Variants in ARHGEF3 observed in about 807,000 individuals in gnomAD.
The protein encoded by ARHGEF3 is 59.8 kDA protein.
In ARHGEF3, 28 loss-of-function variants were observed where a neutral mutation model predicts 63.2. The ratio of observed to expected loss-of-function variants is 0.44; its 90% CI spans 0.33 to 0.61. The LOEUF (loss-of-function observed/expected upper bound fraction) is 0.61. Ranked by LOEUF, ARHGEF3 falls within the 20% of genes least tolerant of loss-of-function variation. ARHGEF3 has a pLI of 0.03. For synonymous variants in ARHGEF3, 266 were observed against 254.2 expected, an observed-to-expected ratio of 1.05 and a Z score of -0.44; for missense variants, 533 against 659.3, an observed-to-expected ratio of 0.81 and a Z score of 2.10.
chr3:57,048,741 T>C (rs901188724), intron 1 of ARHGEF3, among the ~76,000 whole-genome samples: 1 of 152,132 alleles, frequency 6.6e-6, no homozygotes, highest in African/African-American at 2.4e-5. Context: ...CTTGACCTTG[T>C]GTAATTACTG....
intron 3 of ARHGEF3, among the ~76,000 whole-genome samples, chr3:56,888,261 C>G (rs1233453982): frequency 6.6e-6 from 1 of 152,212 alleles, no homozygotes; most frequent in Admixed American, 6.5e-5. Flanking sequence ...AAGGGTGAGG[C>G]ACATCCCTGA....
At chr3:56,988,863 T>C (rs1701639442) in intron 2 of ARHGEF3, among the ~76,000 whole-genome samples, 1 of 152,110 alleles carries the variant, frequency 6.6e-6, no homozygotes, top group South Asian at 2.1e-4. Flanking sequence ...GGAGAATGCA[T>C]CTCCCTCATG....
chr3:56,970,787 C>T (rs1310586552), intron 2 of ARHGEF3, among the ~76,000 whole-genome samples: 1 of 152,254 alleles, frequency 6.6e-6, no homozygotes, highest in Non-Finnish European at 1.5e-5. Context: ...TGAGTGCTGC[C>T]ATACAGGGGC....
chr3:56,934,827 C>T (rs967616322), intron 3 of ARHGEF3, among the ~76,000 whole-genome samples: 23 of 152,250 alleles, frequency 1.5e-4, no homozygotes, highest in Non-Finnish European at 1.0e-4. Context: ...GTCCCATCGA[C>T]CACCCAAGGG....
chr3:57,065,141 C>T (rs976093556), intron 1 of ARHGEF3, among the ~76,000 whole-genome samples: 4 of 152,122 alleles, frequency 2.6e-5, no homozygotes, highest in Non-Finnish European at 5.9e-5. Context: ...TCCAGTAGGC[C>T]ATGGTCTTAA....
intron 4 of ARHGEF3, among the ~76,000 whole-genome samples, chr3:56,872,680 T>C (rs960649776): frequency 2.0e-5 from 3 of 152,180 alleles, no homozygotes; most frequent in Non-Finnish European, 4.4e-5. Context: ...CAGCTAATTT[T>C]TGTATTTTTA....
chr3:56,894,666 T>C (rs1463762420), intron 3 of ARHGEF3, among the ~76,000 whole-genome samples: 3 of 152,172 alleles, frequency 2.0e-5, no homozygotes, highest in African/African-American at 7.2e-5. Context: ...AAAAATTCTA[T>C]GGATTTGCCA....
chr3:57,045,221 C>T (rs919258485), intron 1 of ARHGEF3, among the ~76,000 whole-genome samples: 12 of 152,140 alleles, frequency 7.9e-5, no homozygotes, highest in East Asian at 5.8e-4. Flanking sequence ...GGGCTGAGAT[C>T]GCACCATTGC....
chr3:56,774,770 G>A (rs1327974688), intron 1 of ARHGEF3, among the ~76,000 whole-genome samples: 1 of 152,028 alleles, frequency 6.6e-6, no homozygotes, highest in Non-Finnish European at 1.5e-5. Context: ...GTGGTGGCAG[G>A]TGCCTGTAAT....
intron 1 of ARHGEF3, among the ~76,000 whole-genome samples, chr3:57,070,189 T>C (rs1323992555): frequency 6.6e-6 from 1 of 152,138 alleles, no homozygotes; most frequent in Non-Finnish European, 1.5e-5. Flanking sequence ...ACCACACTTC[T>C]CCAGGCATGA....
At chr3:56,914,140 G>C (rs1214166578) in intron 3 of ARHGEF3, among the ~76,000 whole-genome samples, 1 of 152,152 alleles carries the variant, frequency 6.6e-6, no homozygotes, top group Non-Finnish European at 1.5e-5. Context: ...GGGTGAGAGA[G>C]GAGTGAGGGA....
chr3:56,802,821 A>G (rs2037723280), upstream of ARHGEF3, among the ~76,000 whole-genome samples: 1 of 152,214 alleles, frequency 6.6e-6, no homozygotes, highest in South Asian at 2.1e-4. Flanking sequence ...CTGGGGCAGT[A>G]AAAAATAAAA....
intron 1 of ARHGEF3, among the ~76,000 whole-genome samples, chr3:56,791,367 T>G (rs2037069012): frequency 6.6e-6 from 1 of 152,066 alleles, no homozygotes; most frequent in Non-Finnish European, 1.5e-5. Flanking sequence ...CGCTTGAACC[T>G]GAGAGGTTAA....
intron 4 of ARHGEF3, among the ~76,000 whole-genome samples, chr3:56,821,715 G>A (rs1057497061): frequency 1.3e-5 from 2 of 152,182 alleles, no homozygotes; most frequent in African/African-American, 4.8e-5. Flanking sequence ...TGTAATCCCA[G>A]CACTTTGGGA....
chr3:56,857,304 A>G (rs1161153417), intron 4 of ARHGEF3, among the ~76,000 whole-genome samples: 1 of 152,186 alleles, frequency 6.6e-6, no homozygotes, highest in East Asian at 1.9e-4. Flanking sequence ...CACCCCGTTC[A>G]TCCCCAAGGC....
At chr3:57,058,807 C>T (rs1429985110) in intron 1 of ARHGEF3, among the ~76,000 whole-genome samples, 3 of 152,110 alleles carry the variant, frequency 2.0e-5, no homozygotes, top group Non-Finnish European at 1.5e-5. Flanking sequence ...GAATACTATG[C>T]AGCCATAAAA....
At chr3:56,893,911 G>T (rs1032890731) in intron 3 of ARHGEF3, among the ~76,000 whole-genome samples, 1 of 145,966 alleles carries the variant, frequency 6.9e-6, no homozygotes, top group Non-Finnish European at 1.5e-5. Context: ...GCTGTACAAA[G>T]AAGTTATTAC....
intron 2 of ARHGEF3, among the ~76,000 whole-genome samples, chr3:56,977,877 G>A (rs1701183294): frequency 6.6e-6 from 1 of 152,180 alleles, no homozygotes; most frequent in African/African-American, 2.4e-5. Context: ...AGTACATAGA[G>A]AGTAGAAACT....
At chr3:56,836,359 T>C (rs1438015932) in intron 4 of ARHGEF3, among the ~76,000 whole-genome samples, 1 of 152,210 alleles carries the variant, frequency 6.6e-6, no homozygotes, top group African/African-American at 2.4e-5. Context: ...GGAAATGGGA[T>C]ATAGTTGGGG....
Sources: allele counts gnomAD v4.1 joint callset (sites outside exome capture counted in the v4.1 genomes callset), GRCh38; gene constraint gnomAD v4.1.1; transcripts MANE v1.5; gene names NCBI Gene and HGNC (gene_info 2026-07-23, HGNC 2026-07-21).